Variants in TMTC1 observed in about 807,000 individuals in gnomAD.
TMTC1 encodes the protein transmembrane O-mannosyltransferase targeting cadherins 1, also known as protein O-mannosyl-transferase TMTC1.
Under a neutral mutation model 104.8 loss-of-function variants are expected in TMTC1, and 73 were observed. That is an observed-to-expected ratio of 0.70 (90% confidence interval 0.58 to 0.85). The LOEUF is 0.85. Ranked by LOEUF, TMTC1 falls within the 40% of genes least tolerant of loss-of-function variation. TMTC1 has a pLI of 0.00. For synonymous variants in TMTC1, 434 were observed against 428.7 expected (o/e 1.01, Z -0.15); for missense variants, 1,035 against 1,096.1 (o/e 0.94, Z 0.79).
intron 6 of TMTC1, among the ~76,000 whole-genome samples, chr12:29,612,454 G>A (rs547398458): frequency 7.2e-5 from 11 of 152,150 alleles, no homozygotes; most frequent in South Asian, 2.1e-4. Context: ...TTGCTCTGTC[G>A]CCCAGGCTGG....
intron 5 of TMTC1, among the ~76,000 whole-genome samples, chr12:29,739,949 G>A (rs919250576): frequency 2.6e-5 from 4 of 151,858 alleles, no homozygotes; most frequent in Non-Finnish European, 5.9e-5. Context: ...CTCATGATCC[G>A]CCCACCTCAG....
At chr12:29,514,325 A>G (rs1943922291) in intron 16 of TMTC1, among the ~76,000 whole-genome samples, 157 bp downstream of exon 16, 2 of 152,242 alleles carry the variant, frequency 1.3e-5, no homozygotes, top group African/African-American at 4.8e-5. Context: ...GATAAAAAAT[A>G]AACAAAACTT....
intron 7 of TMTC1, among the ~76,000 whole-genome samples, chr12:29,599,533 T>C (rs982279011): frequency 6.6e-6 from 1 of 152,202 alleles, no homozygotes; most frequent in Non-Finnish European, 1.5e-5. Flanking sequence ...GGCTAGTTCA[T>C]TGTTAGGCAT....
chr12:29,566,391 G>T (rs906101046), intron 9 of TMTC1, among the ~76,000 whole-genome samples: 1 of 152,120 alleles, frequency 6.6e-6, no homozygotes, highest in African/African-American at 2.4e-5. Context: ...CTGCAGGGCC[G>T]CCCACTTTCC....
intron 6 of TMTC1, among the ~76,000 whole-genome samples, chr12:29,615,258 T>C (rs1946947508): frequency 6.6e-6 from 1 of 152,180 alleles, no homozygotes; most frequent in Non-Finnish European, 1.5e-5. Context: ...CACTGGCTTC[T>C]CAGGAAGCTC....
intron 8 of TMTC1, among the ~76,000 whole-genome samples, chr12:29,575,206 T>C (rs1391419212): frequency 6.6e-6 from 1 of 152,018 alleles, no homozygotes; most frequent in African/African-American, 2.4e-5. Flanking sequence ...TGATAAAATA[T>C]AGACAGATGG....
intron 5 of TMTC1, among the ~76,000 whole-genome samples, chr12:29,639,342 C>A (rs1938720592): frequency 6.6e-6 from 1 of 152,082 alleles, no homozygotes. Flanking sequence ...GGGAGATAGT[C>A]CAGGCAGGGC....
chr12:29,666,778 C>T (rs907112201), intron 5 of TMTC1, among the ~76,000 whole-genome samples: 1 of 152,148 alleles, frequency 6.6e-6, no homozygotes, highest in African/African-American at 2.4e-5. Context: ...ATGTCAGCTC[C>T]AGGTAGCAAA....
chr12:29,579,403 C>G lies in TMTC1; in HGVS notation c.1418+4004G>C, dbSNP rs560377212. Among the ~76,000 whole-genome samples, 17 of 152,280 alleles carry G rather than the reference C, an allele frequency of 1.1e-4. 2 individuals carry two copies. The highest frequency in any genetic ancestry group is 4.1e-4 in the African/African-American group (17 of 41,574). On this transcript the variant is annotated intron_variant, in intron 8 of 17. Coordinates refer to ENST00000539277, the MANE Select transcript of TMTC1 (RefSeq NM_001193451.2). ...ACCTTTACAAAAGAATCTGTCAGTA[C>G]CTGGTTTATATTCTTTTCCCTGGGA...
intron 8 of TMTC1, among the ~76,000 whole-genome samples, chr12:29,574,348 A>T (rs1945763699): frequency 6.6e-6 from 1 of 152,092 alleles, no homozygotes; most frequent in African/African-American, 2.4e-5. Context: ...CCCTATACTA[A>T]GCCTGGGCCA....
At chr12:29,700,691 A>C (rs961842569) in intron 5 of TMTC1, among the ~76,000 whole-genome samples, 7 of 152,194 alleles carry the variant, frequency 4.6e-5, no homozygotes, top group African/African-American at 1.7e-4. Context: ...GTGCTCACTA[A>C]ATTAAGTATT....
At chr12:29,767,724 T>G (rs992702991) in intron 2 of TMTC1, among the ~76,000 whole-genome samples, 174 bp downstream of exon 2, 3 of 152,242 alleles carry the variant, frequency 2.0e-5, no homozygotes, top group Admixed American at 2.0e-4. Flanking sequence ...TGAACTCATA[T>G]GTTTTTGAAA....
intron 5 of TMTC1, among the ~76,000 whole-genome samples, chr12:29,733,454 T>C (rs1276334038): frequency 1.3e-5 from 2 of 152,212 alleles, no homozygotes; most frequent in African/African-American, 4.8e-5. Context: ...AGGGAAATCC[T>C]TAACATCCTC....
chr12:29,783,582 A>G lies in TMTC1; in HGVS notation c.170T>C (p.Ile57Thr), dbSNP rs777161224. ...GEFVHDDVWA[I>T]VNNPDVRPGA... ...GGGCCGCACGTCGGGGTTGTTCACG[A>G]TCGCCCACACGTCGTCGTGCACGAA... The change falls in exon 1 of 18, where the codon ATC becomes ACC. Residue 57 changes from isoleucine to threonine, a missense_variant. Transcript: ENST00000539277. This position sits in a 1 kb window ranked among gnomAD's most constrained non-coding sequence, Gnocchi z 4.7. The G allele has an allele frequency of 6.7e-7, 1 of 1,482,828 alleles. No homozygotes were observed. Among genetic ancestry groups the G allele is most frequent in the South Asian group, 1.3e-5 (1 of 78,652 alleles). The allele number at this position is 1,482,828 out of a possible 1,614,324, so 91.9% of individuals were successfully genotyped here. A position where few individuals can be genotyped will look rare whatever the true frequency, so the allele number is the denominator to read the frequency against.
chr12:29,553,026 T>C (rs1945146542), intron 10 of TMTC1, among the ~76,000 whole-genome samples: 1 of 152,216 alleles, frequency 6.6e-6, no homozygotes, highest in Non-Finnish European at 1.5e-5. Context: ...CTTAGCAACA[T>C]AACTTCAGGG....
chr12:29,616,660 A>C (rs1946986756), intron 6 of TMTC1, among the ~76,000 whole-genome samples: 1 of 138,040 alleles, frequency 7.2e-6, no homozygotes, highest in African/African-American at 2.7e-5. Context: ...CAAGAGCAAA[A>C]CTTGGTCTCA....
chr12:29,621,154 A>C (rs918589219), intron 6 of TMTC1, among the ~76,000 whole-genome samples: 1 of 152,218 alleles, frequency 6.6e-6, no homozygotes. Context: ...AAAAAGAAAA[A>C]TCCGTGTTGG....
chr12:29,755,878 C>G lies in TMTC1; in HGVS notation c.562G>C (p.Asp188His). 1 of 1,612,966 alleles carries G rather than the reference C, an allele frequency of 6.2e-7. No individual in the cohort carries two copies. The highest frequency in any genetic ancestry group is 8.5e-7 in the Non-Finnish European group (1 of 1,179,732). Reference sequence around the variant, plus strand: ...AAACTTCCCCCAACACAGCCCTGATCCAGACTCCTGAAAAACAAGTTGGAG... The same window carrying G: ...AAACTTCCCCCAACACAGCCCTGATGCAGACTCCTGAAAAACAAGTTGGAG... ...LAFLSYNRSL[D>H]QGCVGGSFPS... is the part of the protein sequence containing the mutation. Residue 188 changes from aspartate (D) to histidine (H), a missense_variant, in exon 4 of 18, where the codon GAT (aspartate) becomes CAT (histidine). Asp to His is a moderately conservative substitution (Grantham distance 81). Transcript: ENST00000539277.
intron 8 of TMTC1, among the ~76,000 whole-genome samples, chr12:29,581,268 C>A (rs1465351531): frequency 6.6e-6 from 1 of 152,138 alleles, no homozygotes; most frequent in Non-Finnish European, 1.5e-5. Flanking sequence ...TCTGTTCTGG[C>A]CTTGAAGGAA....
Sources: allele counts gnomAD v4.1 joint callset (sites outside exome capture counted in the v4.1 genomes callset), GRCh38; gene constraint gnomAD v4.1.1; non-coding constraint Gnocchi (gnomAD v3.1); transcripts MANE v1.5; gene names NCBI Gene and HGNC (gene_info 2026-07-23, HGNC 2026-07-21).